The following COG5 variants were observed in gnomAD, a reference collection of about 807,000 sequenced individuals.
The protein encoded by COG5 is conserved oligomeric Golgi complex subunit 5.
Under a neutral mutation model 110.4 loss-of-function variants are expected in COG5, and 86 were observed. The ratio of observed to expected loss-of-function variants is 0.78; its 90% CI spans 0.65 to 0.93. The LOEUF is 0.93. Ranked by LOEUF, COG5 falls within the 40% of genes least tolerant of loss-of-function variation. The pLI, the probability that COG5 is intolerant of heterozygous loss-of-function variation, is 0.00. For synonymous variants in COG5, 360 were observed against 334.6 expected (o/e 1.08, Z -0.83); for missense variants, 1,077 against 987.0 (o/e 1.09, Z -1.22).
chr7:107,520,687 A>G (rs1800260646), intron 6 of COG5, among the ~76,000 whole-genome samples: 1 of 152,236 alleles, frequency 6.6e-6, no homozygotes, highest in Non-Finnish European at 1.5e-5. Flanking sequence ...CATGGATAGG[A>G]AGAATCAATA....
chr7:107,410,721 T>C (rs984458724), intron 7 of COG5, among the ~76,000 whole-genome samples: 2 of 152,008 alleles, frequency 1.3e-5, no homozygotes, highest in Admixed American at 6.6e-5. Flanking sequence ...GGATTACAGG[T>C]GTGAGCCACC....
At chr7:107,504,786 T>C (rs913564026) in intron 6 of COG5, among the ~76,000 whole-genome samples, 3 of 152,184 alleles carry the variant, frequency 2.0e-5, no homozygotes, top group African/African-American at 4.8e-5. Context: ...TTGATATGCA[T>C]AGGGGTGTTA....
intron 11 of COG5, among the ~76,000 whole-genome samples, chr7:107,320,154 G>A (rs926666260): frequency 6.6e-6 from 1 of 152,124 alleles, no homozygotes; most frequent in African/African-American, 2.4e-5. Flanking sequence ...AAAAAATTGT[G>A]TCAACACTGA....
chr7:107,451,077 G>A (rs1338595490), intron 6 of COG5, among the ~76,000 whole-genome samples: 1 of 152,150 alleles, frequency 6.6e-6, no homozygotes, highest in African/African-American at 2.4e-5. Flanking sequence ...ATTTAAGTCT[G>A]GAAGGATTAC....
In COG5 at chr7:107,203,569, C is replaced by G; in HGVS notation, c.2437G>C (p.Val813Leu). 1 of 1,614,158 alleles carries G rather than the reference C, an allele frequency of 6.2e-7. No homozygotes were observed. The highest frequency in any genetic ancestry group is 1.1e-5 in the South Asian group (1 of 91,086). ...AGCAGCTGAACCATTATGGGATAAA[C>G]TGGTGCAAATTCTTTGCCTTCTCTA... The part of the protein sequence containing the change: ...RSREGKEFAP[V>L]YPIMVQLLQK... The change falls in exon 22 of 22, where the codon GTT (valine) becomes CTT (leucine). Residue 813 changes from valine (V) to leucine (L), a missense_variant. Transcript: ENST00000297135.
chr7:107,430,254 T>C (rs2129079208), intron 6 of COG5, among the ~76,000 whole-genome samples: 1 of 152,346 alleles, frequency 6.6e-6, no homozygotes, highest in African/African-American at 2.4e-5. Flanking sequence ...ACATTTTTAG[T>C]TCCTTTTTTG....
rs1232433003 is a variant in COG5, at chr7:107,372,674, A to G, written c.756T>C (p.Tyr252=). ...KDTITSVVDG[Y]CATLEENINS... is the part of the protein sequence containing the mutation. ...TGATATTTTCTTCTAAAGTAGCACAATATCCATCCACAACACTGGTAATAG... is the reference window on the plus strand; with the variant it reads ...TGATATTTTCTTCTAAAGTAGCACAGTATCCATCCACAACACTGGTAATAG... Residue 252 remains tyrosine, a synonymous_variant, in exon 8 of 22, where the codon TAT becomes TAC. Coordinates refer to ENST00000297135, the MANE Select transcript of COG5 (RefSeq NM_006348.5). The G allele has an allele frequency of 6.2e-7, 1 of 1,613,568 alleles. No individual in the cohort carries two copies. The highest frequency in any genetic ancestry group is 1.3e-5 in the African/African-American group (1 of 74,920).
chr7:107,551,143 C>G (rs972540695), intron 3 of COG5, among the ~76,000 whole-genome samples: 1 of 151,936 alleles, frequency 6.6e-6, no homozygotes, highest in South Asian at 2.1e-4. Context: ...CCGGGGTTCA[C>G]GCCATTCTCC....
chr7:107,532,203 T>C (rs946099592), intron 5 of COG5, among the ~76,000 whole-genome samples: 20 of 152,138 alleles, frequency 1.3e-4, no homozygotes. Flanking sequence ...ATTACATGTG[T>C]CTGCCACCAT....
In COG5 at chr7:107,416,791, G is replaced by A. The variant is rs114709037; in HGVS notation, c.539-4159C>T. On this transcript the variant is annotated intron_variant, in intron 6 of 21. Coordinates refer to ENST00000297135, the MANE Select transcript of COG5 (RefSeq NM_006348.5). The stretch of plus-strand genomic sequence containing the variant: ...GTATGAGATTAACAGCAGATGGGAC[G>A]TTATAGGAAAAGCAGAATATATTAC... Among the ~76,000 whole-genome samples, 828 of 152,282 alleles carry A rather than the reference G, an allele frequency of 5.4e-3. 9 individuals carry two copies. Among genetic ancestry groups the A allele is most frequent in the African/African-American group, 0.019 (805 of 41,546 alleles).
At chr7:107,356,649 G>A (rs2129043962) in intron 10 of COG5, among the ~76,000 whole-genome samples, 1 of 152,044 alleles carries the variant, frequency 6.6e-6, no homozygotes, top group East Asian at 1.9e-4. Flanking sequence ...GTCTGTTATA[G>A]ACAGATTCCA....
At chr7:107,459,196 CA>C in intron 6 of COG5, among the ~76,000 whole-genome samples, 1 of 151,954 alleles carries the variant, frequency 6.6e-6, no homozygotes, top group African/African-American at 2.4e-5. Context: ...CCATTATTAT[CA>C]ACAGAAAATA....
In COG5 at chr7:107,202,751, T is replaced by C. The variant is rs965080444; in HGVS notation, c.*765A>G. 7 of 152,318 alleles carry C rather than the reference T, an allele frequency of 4.6e-5. No individual in the cohort carries two copies. Among genetic ancestry groups the C allele is most frequent in the South Asian group, 2.1e-4 (1 of 4,826 alleles). 9.4% of individuals were successfully genotyped at this position (152,318 alleles called of 1,614,324 possible). A position where few individuals can be genotyped will look rare whatever the true frequency, so the allele number is the denominator to read the frequency against. On this transcript the variant is annotated 3_prime_UTR_variant, in exon 22 of 22. Transcript: ENST00000297135. ...TAGATTATCTACTATTTATAGAGAA[T>C]TGCTATACAATAAAAATTTTTATTT...
chr7:107,210,341 G>A, intron 21 of COG5, 185 bp downstream of exon 21: 2 of 1,434,552 alleles, frequency 1.4e-6, no homozygotes, highest in East Asian at 2.5e-5. Flanking sequence ...AGCAAAAGAT[G>A]TTGTGGCCAA....
At chr7:107,208,387 T>C in intron 21 of COG5, 1 of 985,456 alleles carries the variant, frequency 1.0e-6, no homozygotes, top group Non-Finnish European at 1.2e-6. Context: ...ATTTGTGATG[T>C]ACACACAGCA....
chr7:107,283,269 T>G (rs1805333382), intron 13 of COG5, among the ~76,000 whole-genome samples: 1 of 152,222 alleles, frequency 6.6e-6, no homozygotes, highest in Non-Finnish European at 1.5e-5. Flanking sequence ...ATATTTGATT[T>G]CTTGTGTAAC....
intron 14 of COG5, among the ~76,000 whole-genome samples, chr7:107,268,423 C>T (rs140095735): frequency 9.8e-4 from 149 of 152,268 alleles, no homozygotes; most frequent in African/African-American, 3.4e-3. Flanking sequence ...AAAAAAGGTT[C>T]ATTACCTGAT....
chr7:107,438,229 T>A lies in COG5; in HGVS notation c.539-25597A>T, dbSNP rs185957799. Among the ~76,000 whole-genome samples the A allele has an allele frequency of 4.3e-3, 658 of 152,306 alleles. 4 individuals are homozygous for A. The highest frequency in any genetic ancestry group is 0.024 in the Middle Eastern group (7 of 294). The stretch of plus-strand genomic sequence containing the variant: ...AATGGACTAAGGGCTCTTTCTATCC[T>A]CCACTCTTTTCTACCAAGACAGGAT... On this transcript the variant is annotated intron_variant, in intron 6 of 21. Coordinates refer to ENST00000297135, the MANE Select transcript of COG5 (RefSeq NM_006348.5).
chr7:107,257,428 AT>A (rs1802969802), intron 15 of COG5, among the ~76,000 whole-genome samples: 1 of 152,094 alleles, frequency 6.6e-6, no homozygotes. Flanking sequence ...GAAACCGCTA[AT>A]TGATAAAAGG....
Sources: allele counts gnomAD v4.1 joint callset (sites outside exome capture counted in the v4.1 genomes callset), GRCh38; gene constraint gnomAD v4.1.1; transcripts MANE v1.5; gene names NCBI Gene and HGNC (gene_info 2026-07-23, HGNC 2026-07-21).